The following NCAM2 variants were observed in gnomAD, a reference collection of about 807,000 sequenced individuals.
The protein encoded by NCAM2 is N-CAM-2.
Under a neutral mutation model 98.1 loss-of-function variants are expected in NCAM2, and 30 were observed. The observed-to-expected ratio is 0.31, with a 90% CI of 0.23 to 0.41. The LOEUF (loss-of-function observed/expected upper bound fraction) is 0.41, where lower values mean the gene tolerates loss of function less well. Among genes scored for constraint, NCAM2 ranks in the 10% least tolerant of loss-of-function variants. The probability of loss-of-function intolerance (pLI) is 1.00; values close to 1 mark genes in which losing one functional copy is unlikely to be tolerated. For synonymous variants in NCAM2, 368 were observed against 342.4 expected, an observed-to-expected ratio of 1.07 and a Z score of -0.83; for missense variants, 867 against 1,005.8, an observed-to-expected ratio of 0.86 and a Z score of 1.87.
At chr21:21,354,122 A>G (rs2147955765) in intron 8 of NCAM2, among the ~76,000 whole-genome samples, 1 of 152,282 alleles carries the variant, frequency 6.6e-6, no homozygotes, top group Non-Finnish European at 1.5e-5. Context: ...AGTGCTTATT[A>G]TATCATCTAG....
At chr21:21,079,014 AAC>A (rs946394732) in intron 1 of NCAM2, among the ~76,000 whole-genome samples, 75 of 152,202 alleles carry the variant, frequency 4.9e-4, no homozygotes, top group African/African-American at 1.7e-3. Context: ...AGAGGGGAAG[AAC>A]ACACACCAGG....
At chr21:21,376,058 A>G (rs143298421) in intron 9 of NCAM2, among the ~76,000 whole-genome samples, 1 of 151,928 alleles carries the variant, frequency 6.6e-6, no homozygotes, top group Non-Finnish European at 1.5e-5. Context: ...GGACTAGCTA[A>G]TATGTTAATT....
chr21:21,206,679 CT>C (rs2069449596), intron 1 of NCAM2, among the ~76,000 whole-genome samples: 1 of 152,052 alleles, frequency 6.6e-6, no homozygotes, highest in African/African-American at 2.4e-5. Flanking sequence ...TGTTTTATAA[CT>C]TTTTCAATTT....
At chr21:21,177,014 A>G (rs1987482863) in intron 1 of NCAM2, among the ~76,000 whole-genome samples, 1 of 152,152 alleles carries the variant, frequency 6.6e-6, no homozygotes, top group Non-Finnish European at 1.5e-5. Flanking sequence ...TACTTAGAAC[A>G]TTTATAGTTA....
intron 1 of NCAM2, among the ~76,000 whole-genome samples, chr21:21,262,592 A>T (rs2071948925): frequency 6.6e-6 from 1 of 151,106 alleles, no homozygotes; most frequent in Non-Finnish European, 1.5e-5. Context: ...TGGTTCAGAA[A>T]CAGAATATCC....
chr21:21,528,831 C>T (rs1262710345), intron 16 of NCAM2, among the ~76,000 whole-genome samples: 1 of 151,620 alleles, frequency 6.6e-6, no homozygotes, highest in African/African-American at 2.4e-5. Flanking sequence ...AAGGAAGAAA[C>T]AAGAAGAATC....
intron 1 of NCAM2, among the ~76,000 whole-genome samples, chr21:21,171,714 A>T (rs1305418473): frequency 6.6e-6 from 1 of 152,198 alleles, no homozygotes; most frequent in Non-Finnish European, 1.5e-5. Context: ...AACAATAAGG[A>T]ATATTTTGAA....
chr21:21,446,287 G>T (rs1980125387), intron 12 of NCAM2, among the ~76,000 whole-genome samples: 1 of 151,922 alleles, frequency 6.6e-6, no homozygotes, highest in Admixed American at 6.6e-5. Flanking sequence ...CAATCTTGGA[G>T]CATCTGATGA....
At chr21:21,415,055 A>G (rs549719700) in intron 10 of NCAM2, among the ~76,000 whole-genome samples, 51 of 151,950 alleles carry the variant, frequency 3.4e-4, no homozygotes, top group African/African-American at 1.2e-3. Flanking sequence ...TTTCCCATGG[A>G]TAGAACACAG....
chr21:21,183,750 G>A (rs1247388115), intron 1 of NCAM2, among the ~76,000 whole-genome samples: 1 of 151,974 alleles, frequency 6.6e-6, no homozygotes, highest in African/African-American at 2.4e-5. Flanking sequence ...TCTATGCATT[G>A]TTATATTCTT....
At chr21:21,287,780 C>T (rs1217581316) in intron 4 of NCAM2, among the ~76,000 whole-genome samples, 2 of 151,868 alleles carry the variant, frequency 1.3e-5, no homozygotes, top group Non-Finnish European at 2.9e-5. Flanking sequence ...CCCCAGCATC[C>T]CAGGACTAAA....
chr21:21,387,159 T>C (rs1330962382), intron 9 of NCAM2, among the ~76,000 whole-genome samples: 2 of 150,788 alleles, frequency 1.3e-5, no homozygotes, highest in Non-Finnish European at 1.5e-5. Context: ...TGTACTGGCA[T>C]GGCCTTTACT....
At chr21:21,311,320 T>A (rs1335568795) in intron 5 of NCAM2, among the ~76,000 whole-genome samples, 1 of 149,986 alleles carries the variant, frequency 6.7e-6, no homozygotes, top group Non-Finnish European at 1.5e-5. Flanking sequence ...CAAAAGATGG[T>A]TACAAATATG....
chr21:21,510,283 C>T (rs1988280332), intron 16 of NCAM2, among the ~76,000 whole-genome samples: 1 of 152,138 alleles, frequency 6.6e-6, no homozygotes, highest in Non-Finnish European at 1.5e-5. Flanking sequence ...AAAGCCATAT[C>T]ACAATTCAGA....
rs115363473 is a variant in NCAM2 at position 21,061,287 on chromosome 21, G to C, written c.55+62669G>C. Among the ~76,000 whole-genome samples, 236 of 152,256 alleles carry C rather than the reference G, an allele frequency of 1.6e-3. 1 individual carries two copies. The highest frequency in any genetic ancestry group is 5.5e-3 in the African/African-American group (227 of 41,534). On this transcript the variant is annotated intron_variant, in intron 1 of 17. Transcript: ENST00000400546. ...AGTCTAAGTGTCATTTAAAGTTATT[G>C]CTGGGGCTTGGCTTAATTACAACGT...
chr21:21,276,274 G>A (rs891390203), intron 1 of NCAM2, among the ~76,000 whole-genome samples: 3 of 151,886 alleles, frequency 2.0e-5, no homozygotes, highest in Non-Finnish European at 4.4e-5. Context: ...CTATTTTTGA[G>A]TATGATCATA....
intron 1 of NCAM2, among the ~76,000 whole-genome samples, chr21:21,230,634 T>G (rs2070583984): frequency 6.6e-6 from 1 of 151,428 alleles, no homozygotes; most frequent in East Asian, 1.9e-4. Context: ...TTGTAAATTG[T>G]TTTGCTGTCA....
intron 1 of NCAM2, among the ~76,000 whole-genome samples, chr21:21,044,884 TG>T (rs1421668145): frequency 6.6e-6 from 1 of 152,104 alleles, no homozygotes; most frequent in Non-Finnish European, 1.5e-5. Context: ...GAGGATCCCT[TG>T]AGCCCAGAGA....
intron 4 of NCAM2, 142 bp downstream of exon 4, chr21:21,286,554 A>G (rs1037798037): frequency 6.6e-6 from 6 of 911,402 alleles, no homozygotes; most frequent in Admixed American, 6.0e-5. Context: ...TGTAAGCTCT[A>G]CATTAGGATT....
Sources: gnomAD v4.1 joint callset for allele counts (sites outside exome capture counted in the v4.1 genomes callset) on GRCh38, gnomAD v4.1.1 for gene constraint, MANE v1.5 for transcripts, NCBI Gene and HGNC (gene_info 2026-07-23, HGNC 2026-07-21) for gene names.